The following AHI1 variants were observed in gnomAD, a reference collection of about 807,000 sequenced individuals.
AHI1 encodes Abelson helper integration site 1.
In AHI1, 123 loss-of-function variants were observed where a neutral mutation model predicts 149.3. That is an observed-to-expected ratio of 0.82 (90% confidence interval 0.71 to 0.96). The LOEUF (loss-of-function observed/expected upper bound fraction) is 0.96, where lower values mean the gene tolerates loss of function less well. Among genes scored for constraint, AHI1 ranks in the 40% least tolerant of loss-of-function variants. AHI1 has a pLI of 0.00. For synonymous variants in AHI1, 475 were observed against 459.8 expected (o/e 1.03, Z -0.42); for missense variants, 1,439 against 1,422.7 (o/e 1.01, Z -0.18).
At chr6:135,341,373 A>G (rs1273445149) in intron 24 of AHI1, among the ~76,000 whole-genome samples, 1 of 152,006 alleles carries the variant, frequency 6.6e-6, no homozygotes. Flanking sequence ...GACATTGTAT[A>G]ATAATAAAAG....
At chr6:135,428,299 C>T (rs1784182202) in intron 19 of AHI1, among the ~76,000 whole-genome samples, 1 of 151,608 alleles carries the variant, frequency 6.6e-6, no homozygotes, top group Non-Finnish European at 1.5e-5. Flanking sequence ...ATTCCAAATT[C>T]AGCTTGTAAC....
chr6:135,363,976 C>A lies in AHI1; in HGVS notation c.3110-5789G>T, dbSNP rs1422468123. ...CCCACCTCCCTCCCGGACGGGGCGG[C>A]TGGCCGGGCAGAGGGGCTCCTCACT... is the stretch of plus-strand genomic sequence containing the variant. On this transcript the variant is annotated intron_variant, in intron 23 of 28. Coordinates refer to ENST00000265602, the MANE Select transcript of AHI1 (RefSeq NM_001134831.2). Among the ~76,000 whole-genome samples the A allele has an allele frequency of 2.9e-5, 4 of 137,436 alleles. 1 individual carries two copies. The highest frequency in any genetic ancestry group is 6.3e-5 in the Non-Finnish European group (4 of 63,040). 90.2% of individuals were successfully genotyped at this position (137,436 alleles called of 152,430 possible).
chr6:135,488,366 T>C lies in AHI1; in HGVS notation c.135+2257A>G, dbSNP rs535906581. ...TTGGTCATTTCTTCCCACCTCGAAT[T>C]TGTCTCCCACTTCACTGATTAGATT... On this transcript the variant is annotated intron_variant, in intron 5 of 28. Coordinates refer to ENST00000265602, the MANE Select transcript of AHI1 (RefSeq NM_001134831.2). Among the ~76,000 whole-genome samples, 44 of 152,274 alleles carry C rather than the reference T, an allele frequency of 2.9e-4. 1 individual carries two copies. The South Asian group carries it at 8.9e-3, about 31-fold the overall frequency.
At chr6:135,346,416 G>T (rs1791230635) in intron 24 of AHI1, among the ~76,000 whole-genome samples, 2 of 151,980 alleles carry the variant, frequency 1.3e-5, no homozygotes, top group African/African-American at 4.8e-5. Context: ...TAGCCAGGCT[G>T]GTCTCGATCT....
intron 20 of AHI1, among the ~76,000 whole-genome samples, chr6:135,426,344 A>G (rs1783910967): frequency 6.6e-6 from 1 of 151,718 alleles, no homozygotes; most frequent in Non-Finnish European, 1.5e-5. Flanking sequence ...ATTTTCTAGC[A>G]TAATTTACCC....
intron 13 of AHI1, among the ~76,000 whole-genome samples, chr6:135,444,166 T>C (rs907142735): frequency 4.6e-5 from 7 of 152,198 alleles, no homozygotes; most frequent in Non-Finnish European, 8.8e-5. Flanking sequence ...TTTCTGTCTC[T>C]CGTATTCATT....
At chr6:135,448,659 G>A (rs1425544285) in intron 11 of AHI1, among the ~76,000 whole-genome samples, 184 bp from the exon 12 acceptor site, 2 of 152,164 alleles carry the variant, frequency 1.3e-5, no homozygotes, top group Non-Finnish European at 2.9e-5. Flanking sequence ...TTTGACAAAA[G>A]GTAGCCCAAA....
chr6:135,406,703 A>G (rs1048924262), intron 21 of AHI1, among the ~76,000 whole-genome samples: 5 of 152,190 alleles, frequency 3.3e-5, no homozygotes, highest in African/African-American at 1.2e-4. Flanking sequence ...CCATACTCCT[A>G]TGGCTCTACT....
chr6:135,383,247 T>TTTTTTTTTTTG (rs1491302296), intron 23 of AHI1, among the ~76,000 whole-genome samples: 1 of 136,950 alleles, frequency 7.3e-6, no homozygotes, highest in Admixed American at 7.4e-5. Flanking sequence ...TTTTTTTTTT[T>TTTTTTTTTTTG]GAGACAGGGT....
intron 23 of AHI1, among the ~76,000 whole-genome samples, chr6:135,364,684 G>A (rs1773859505): frequency 6.6e-6 from 1 of 152,162 alleles, no homozygotes; most frequent in East Asian, 1.9e-4. Flanking sequence ...GCGGTTAGGA[G>A]CTGGAGACCA....
intron 5 of AHI1, among the ~76,000 whole-genome samples, chr6:135,481,268 C>CTTTATAAATTAATTTCTTTATAAAT (rs1218944557): frequency 6.6e-6 from 1 of 152,178 alleles, no homozygotes; most frequent in East Asian, 1.9e-4. Flanking sequence ...AATTACGTTT[C>CTTTATAAATTAATTTCTTTATAAAT]TGGTATTCTG....
chr6:135,457,349 G>A (rs948245309), intron 9 of AHI1, 145 bp downstream of exon 9: 40 of 618,548 alleles, frequency 6.5e-5, no homozygotes, highest in South Asian at 4.1e-4. Context: ...CAATGTTAAT[G>A]ACTGATGAAC....
At chr6:135,364,126 C>T (rs866773823) in intron 23 of AHI1, among the ~76,000 whole-genome samples, 91 of 152,130 alleles carry the variant, frequency 6.0e-4, no homozygotes, top group African/African-American at 1.8e-3. Flanking sequence ...ATGCTCCTCA[C>T]TTCCCAGACA....
At chr6:135,301,437 C>A in intron 26 of AHI1, 1 of 985,376 alleles carries the variant, frequency 1.0e-6, no homozygotes, top group Non-Finnish European at 1.2e-6. Flanking sequence ...TGAGTAACTG[C>A]TTTCCTGGTG....
intron 23 of AHI1, among the ~76,000 whole-genome samples, chr6:135,381,784 C>G (rs1041320561): frequency 6.6e-6 from 1 of 152,180 alleles, no homozygotes; most frequent in Non-Finnish European, 1.5e-5. Context: ...ATAACTATTT[C>G]TTTGCCTGCT....
intron 15 of AHI1, among the ~76,000 whole-genome samples, chr6:135,436,748 C>G (rs920445466): frequency 4.6e-5 from 7 of 152,124 alleles, no homozygotes; most frequent in African/African-American, 1.7e-4. Context: ...ACTACAGATG[C>G]AGACCACCAC....
chr6:135,454,974 C>T (rs76640293), intron 10 of AHI1, among the ~76,000 whole-genome samples: 1 of 152,286 alleles, frequency 6.6e-6, no homozygotes, highest in African/African-American at 2.4e-5. Flanking sequence ...TATGCCAAGT[C>T]CCCTGCTGTT....
At chr6:135,458,506 G>C (rs1173740924) in intron 8 of AHI1, among the ~76,000 whole-genome samples, 1 of 152,148 alleles carries the variant, frequency 6.6e-6, no homozygotes, top group Non-Finnish European at 1.5e-5. Flanking sequence ...GCCAGGGGAA[G>C]GGGACCAAAA....
intron 13 of AHI1, among the ~76,000 whole-genome samples, chr6:135,444,915 C>T (rs991512420): frequency 2.0e-5 from 3 of 152,200 alleles, no homozygotes; most frequent in Non-Finnish European, 4.4e-5. Flanking sequence ...ACTCAGAACT[C>T]CCAGAGGTCT....
Sources: allele counts gnomAD v4.1 joint callset (sites outside exome capture counted in the v4.1 genomes callset), GRCh38; gene constraint gnomAD v4.1.1; transcripts MANE v1.5; gene names NCBI Gene and HGNC (gene_info 2026-07-23, HGNC 2026-07-21).